Variants in MED6 observed in about 807,000 individuals in gnomAD.
MED6 encodes the protein mediator complex subunit 6.
In MED6, 33 loss-of-function variants were observed where a neutral mutation model predicts 37.5. The ratio of observed to expected loss-of-function variants is 0.88; its 90% CI spans 0.67 to 1.18. MED6 has a LOEUF of 1.18. Among genes scored for constraint, MED6 ranks in the 50% most tolerant of loss-of-function variants. The pLI is 0.00. For synonymous variants in MED6, 94 were observed against 93.6 expected (o/e 1.00, Z -0.02); for missense variants, 235 against 290.6 (o/e 0.81, Z 1.39).
intron 6 of MED6, among the ~76,000 whole-genome samples, chr14:70,588,351 A>G (rs1884770113): frequency 6.6e-6 from 1 of 152,096 alleles, no homozygotes; most frequent in African/African-American, 2.4e-5. Flanking sequence ...AAAAGGTAAA[A>G]AACTCACTGA....
At chr14:70,595,342 A>T in intron 3 of MED6, 1 of 558,750 alleles carries the variant, frequency 1.8e-6, no homozygotes, top group Non-Finnish European at 3.4e-6. Flanking sequence ...GAGCTAGACA[A>T]GTACTGGTCT....
intron 2 of MED6, 48 bp downstream of exon 2, chr14:70,597,570 T>C: frequency 7.1e-7 from 1 of 1,402,722 alleles, no homozygotes; most frequent in Non-Finnish European, 9.3e-7. Flanking sequence ...AACTGTTCAT[T>C]GCAAAACTTG....
Position 70,584,248 on chromosome 14 carries a change from T to C in MED6, c.*565A>G, listed in dbSNP as rs2139584106. 1 of 706,764 alleles carries C rather than the reference T, an allele frequency of 1.4e-6. No homozygotes were observed. Among genetic ancestry groups the C allele is most frequent in the Non-Finnish European group, 2.5e-6 (1 of 393,684 alleles). 43.8% of individuals were successfully genotyped at this position (706,764 alleles called of 1,614,324 possible). A position where few individuals can be genotyped will look rare whatever the true frequency, so the allele number is the denominator to read the frequency against. ...GTCATGATGAAGCAATATATACAAA[T>C]ACCTTTATTTTGCTTTTAAACATAT... On this transcript the variant is annotated 3_prime_UTR_variant, in exon 8 of 8. Coordinates refer to ENST00000256379, the MANE Select transcript of MED6 (RefSeq NM_005466.4).
At position 70,597,796 on chromosome 14, in the gene MED6, AATG is replaced by A; in HGVS notation, c.23-22_23-20del. The A allele has an allele frequency of 6.5e-7, 1 of 1,530,654 alleles. No homozygotes were observed. Among genetic ancestry groups the A allele is most frequent in the Non-Finnish European group, 8.7e-7 (1 of 1,152,196 alleles). 94.8% of individuals were successfully genotyped at this position (1,530,654 alleles called of 1,614,324 possible). A position where few individuals can be genotyped will look rare whatever the true frequency, so the allele number is the denominator to read the frequency against. ...AGATTGTCTATGGGAAAGAAAACAA[AATG>A]ATAAAGGATTAGAAAAATAGAAAGA... On this transcript the variant is annotated intron_variant, in intron 1 of 7. Coordinates refer to ENST00000256379, the MANE Select transcript of MED6 (RefSeq NM_005466.4).
chr14:70,589,549 AC>A (rs1751098554), intron 6 of MED6, among the ~76,000 whole-genome samples: 1 of 152,212 alleles, frequency 6.6e-6, no homozygotes, highest in African/African-American at 2.4e-5. Flanking sequence ...AAAACATTAT[AC>A]AAAATTTCTC....
In MED6 at chr14:70,588,268, G is replaced by A. The variant is rs527560247; in HGVS notation, c.583-2485C>T. On this transcript the variant is annotated intron_variant, in intron 6 of 7. Coordinates refer to ENST00000256379, the MANE Select transcript of MED6 (RefSeq NM_005466.4). ...CTCTATCTTTGGGAGTTGGTTTTTG[G>A]CCCTTGGATGGTAAAAGAAATGGCT... is the stretch of plus-strand genomic sequence containing the variant. Among the ~76,000 whole-genome samples the A allele has an allele frequency of 7.2e-5, 11 of 152,214 alleles. No homozygotes were observed. The South Asian group carries it at 1.2e-3, about 17-fold the overall frequency.
chr14:70,592,728 C>T (rs552094794), intron 5 of MED6, 152 bp downstream of exon 5: 1 of 703,802 alleles, frequency 1.4e-6, no homozygotes, highest in African/African-American at 1.8e-5. Context: ...ATTACCACAT[C>T]TAGTTACATG....
chr14:70,583,623 T>C lies in MED6; in HGVS notation c.*1190A>G, dbSNP rs753855554. The C allele has an allele frequency of 6.5e-6, 1 of 152,682 alleles. No individual in the cohort carries two copies. The highest frequency in any genetic ancestry group is 1.5e-5 in the Non-Finnish European group (1 of 68,408). The allele number at this position is 152,682 out of a possible 1,614,324, so 9.5% of individuals were successfully genotyped here. On this transcript the variant is annotated 3_prime_UTR_variant, in exon 8 of 8. Coordinates refer to ENST00000256379, the MANE Select transcript of MED6 (RefSeq NM_005466.4). ...CAAAGATATAATCACAGCAGTCTTA[T>C]ATAAAATAATGTAAACTGGGAAAAA...
chr14:70,593,530 T>C, intron 3 of MED6, 152 bp from the exon 4 acceptor site: 2 of 610,158 alleles, frequency 3.3e-6, no homozygotes, highest in Non-Finnish European at 5.7e-6. Context: ...AACAGCCACA[T>C]CCAATCATTT....
At chr14:70,593,410 C>T in intron 3 of MED6, 32 bp from the exon 4 acceptor site, 2 of 1,449,626 alleles carry the variant, frequency 1.4e-6, no homozygotes, top group South Asian at 1.2e-5. Context: ...TTTATAAATA[C>T]AGCTATGGAC....
At chr14:70,597,355 C>A (rs947063277) in intron 2 of MED6, among the ~76,000 whole-genome samples, 1 of 152,144 alleles carries the variant, frequency 6.6e-6, no homozygotes, top group Non-Finnish European at 1.5e-5. Context: ...TTGAGAATAA[C>A]AGTAGCATTG....
rs1395713046 is a variant in MED6 at position 70,593,056 on chromosome 14, C to A, written c.358-68G>T. On this transcript the variant is annotated intron_variant, in intron 4 of 7. Coordinates refer to ENST00000256379, the MANE Select transcript of MED6 (RefSeq NM_005466.4). Reference sequence around the variant, plus strand: ...CCAAACTTTCCAAAGTAAATACTCACAAAATATTACATATGCAAAGACAGA... The same window carrying A: ...CCAAACTTTCCAAAGTAAATACTCAAAAAATATTACATATGCAAAGACAGA... The A allele has an allele frequency of 2.5e-6, 4 of 1,582,952 alleles. No individual in the cohort carries two copies. In the South Asian group the frequency reaches 4.5e-5, roughly 18 times the overall value.
At chr14:70,597,147 TTA>T (rs1460863016) in intron 2 of MED6, among the ~76,000 whole-genome samples, 4 of 152,200 alleles carry the variant, frequency 2.6e-5, no homozygotes, top group South Asian at 2.1e-4. Context: ...ACCTGACAGA[TTA>T]TGTTTAAAAG....
chr14:70,591,451 T>A, intron 5 of MED6, 70 bp from the exon 6 acceptor site: 3 of 1,229,462 alleles, frequency 2.4e-6, no homozygotes, highest in Non-Finnish European at 3.5e-6. Flanking sequence ...TACAAATCTT[T>A]ATCCACCATG....
At chr14:70,595,438 G>T in intron 3 of MED6, 1 of 587,408 alleles carries the variant, frequency 1.7e-6, no homozygotes, top group African/African-American at 1.8e-5. Flanking sequence ...GAGCTGAGAG[G>T]TACGGTCCAG....
At chr14:70,598,276 A>G (rs1885103245) in intron 1 of MED6, among the ~76,000 whole-genome samples, 1 of 152,128 alleles carries the variant, frequency 6.6e-6, no homozygotes. Flanking sequence ...CAGCCTGAGC[A>G]ACAAGAGTGA....
chr14:70,583,252 T>A lies in MED6; in HGVS notation c.*1561A>T, dbSNP rs564272279. On this transcript the variant is annotated 3_prime_UTR_variant, in exon 8 of 8. Coordinates refer to ENST00000256379, the MANE Select transcript of MED6 (RefSeq NM_005466.4). ...TACAACTTTTCTGTTTGCCGGAAAT[T>A]ATGTCAAAATAAGAAGTTGAAAGAC... 1.3e-5 allele frequency: 2 copies of A among 152,302 alleles called. No homozygotes were observed. Among genetic ancestry groups the A allele is most frequent in the South Asian group, 4.1e-4 (2 of 4,826 alleles). 9.4% of individuals were successfully genotyped at this position (152,302 alleles called of 1,614,324 possible).
chr14:70,584,676 TA>T lies in MED6; in HGVS notation c.*136del. ...CAGGCGTGAGCCACCACATCCGGCCTAATATCCTTTCAAAAAATAAGCGCAT... is the reference window on the plus strand; with the variant it reads ...CAGGCGTGAGCCACCACATCCGGCCTATATCCTTTCAAAAAATAAGCGCAT... On this transcript the variant is annotated 3_prime_UTR_variant, in exon 8 of 8. Transcript: ENST00000256379. 1 of 1,184,760 alleles carries T rather than the reference TA, an allele frequency of 8.4e-7. No homozygotes were observed. Among genetic ancestry groups the T allele is most frequent in the Non-Finnish European group, 1.2e-6 (1 of 852,498 alleles). 73.4% of individuals were successfully genotyped at this position (1,184,760 alleles called of 1,614,324 possible).
At chr14:70,588,435 C>T (rs542900402) in intron 6 of MED6, among the ~76,000 whole-genome samples, 5 of 152,016 alleles carry the variant, frequency 3.3e-5, no homozygotes, top group South Asian at 2.1e-4. Context: ...CCTATAATCC[C>T]AGCACTTTGG....
Sources: gnomAD v4.1 joint callset for allele counts (sites outside exome capture counted in the v4.1 genomes callset) on GRCh38, gnomAD v4.1.1 for gene constraint, MANE v1.5 for transcripts, NCBI Gene and HGNC (gene_info 2026-07-23, HGNC 2026-07-21) for gene names.